LINGO2: variants seen among roughly 807,000 people sequenced by gnomAD.
LINGO2 encodes leucine rich repeat and Ig domain containing 2.
A neutral mutation model predicts 30.6 loss-of-function variants in LINGO2; 14 were observed. The observed-to-expected ratio is 0.46, with a 90% CI of 0.30 to 0.72. The LOEUF is 0.72. Among genes scored for constraint, LINGO2 ranks in the 30% least tolerant of loss-of-function variants. The pLI is 0.07. For synonymous variants in LINGO2, 317 were observed against 288.5 expected (o/e 1.10, Z -1.00); for missense variants, 729 against 751.7 (o/e 0.97, Z 0.35).
chr9:28,226,893 A>G (rs1367342032), intron 4 of LINGO2, among the ~76,000 whole-genome samples: 1 of 152,110 alleles, frequency 6.6e-6, no homozygotes, highest in Non-Finnish European at 1.5e-5. Context: ...AATTGACCTT[A>G]GTAAGTACTA....
chr9:28,787,113 T>C, the LINGO2 span, among the ~76,000 whole-genome samples: 1 of 152,132 alleles, frequency 6.6e-6, no homozygotes, highest in African/African-American at 2.4e-5. Flanking sequence ...ATAGTTGTAA[T>C]AATGAAGCAC....
At chr9:28,749,166 T>C in the LINGO2 span, among the ~76,000 whole-genome samples, 2 of 152,148 alleles carry the variant, frequency 1.3e-5, no homozygotes, top group East Asian at 3.9e-4. Context: ...GTGACACTCC[T>C]GTTGTCATGT....
At chr9:28,581,370 A>ATGAC (rs1258621583) in intron 1 of LINGO2, among the ~76,000 whole-genome samples, 1 of 151,894 alleles carries the variant, frequency 6.6e-6, no homozygotes, top group African/African-American at 2.4e-5. Context: ...CAGTTACACA[A>ATGAC]TGACTGACTG....
chr9:28,751,558 T>TA, the LINGO2 span, among the ~76,000 whole-genome samples: 2 of 152,068 alleles, frequency 1.3e-5, no homozygotes, highest in African/African-American at 2.4e-5. Flanking sequence ...GCATATTATT[T>TA]AGTTTTCAGT....
In LINGO2 at chr9:28,523,711, T is replaced by G. The variant is rs201145907; in HGVS notation, c.-364-47686A>C. 7.2e-5 allele frequency among the ~76,000 whole-genome samples: 11 copies of G among 152,088 alleles called. No individual in the cohort carries two copies. In the East Asian group the frequency reaches 2.1e-3, roughly 29 times the overall value. ...GATTTAAAAATAAACAGATATAAAATTGACAAAATAAGTACAAGACCTGTA... is the reference window on the plus strand; with the variant it reads ...GATTTAAAAATAAACAGATATAAAAGTGACAAAATAAGTACAAGACCTGTA... On this transcript the variant is annotated intron_variant, in intron 1 of 5. Transcript: ENST00000379992.
At chr9:27,999,436 C>CGAG (rs1821833375) in intron 5 of LINGO2, among the ~76,000 whole-genome samples, 2 of 143,684 alleles carry the variant, frequency 1.4e-5, no homozygotes, top group African/African-American at 5.2e-5. Flanking sequence ...GCCTAATCTT[C>CGAG]AGAGAGAGAG....
the LINGO2 span, among the ~76,000 whole-genome samples, chr9:28,689,817 A>G: frequency 6.6e-5 from 10 of 152,316 alleles, no homozygotes; most frequent in African/African-American, 2.2e-4. Context: ...CATAAAGTCA[A>G]CCTAAATGAC....
intron 1 of LINGO2, among the ~76,000 whole-genome samples, chr9:28,495,671 T>G (rs1385847525): frequency 6.6e-6 from 1 of 152,222 alleles, no homozygotes; most frequent in African/African-American, 2.4e-5. Flanking sequence ...ATTTCTGCTC[T>G]GATCTTAGTT....
chr9:28,463,267 T>G (rs1259589655), intron 2 of LINGO2, among the ~76,000 whole-genome samples: 2 of 152,042 alleles, frequency 1.3e-5, no homozygotes, highest in Non-Finnish European at 2.9e-5. Flanking sequence ...TACTTTCAAT[T>G]TAGTGTGAAG....
intron 3 of LINGO2, among the ~76,000 whole-genome samples, chr9:28,305,901 C>T (rs28510803): frequency 0.044 from 6,654 of 151,988 alleles, 219 homozygotes; most frequent in African/African-American, 0.15. Flanking sequence ...ATACACTTGA[C>T]TCTGAGGCAT....
At chr9:28,108,231 G>T (rs1237392900) in intron 4 of LINGO2, among the ~76,000 whole-genome samples, 2 of 152,084 alleles carry the variant, frequency 1.3e-5, no homozygotes, top group African/African-American at 2.4e-5. Flanking sequence ...AGACTATGAG[G>T]TCCCTTTAAA....
At chr9:28,191,910 T>C (rs1022243491) in intron 4 of LINGO2, among the ~76,000 whole-genome samples, 1 of 152,186 alleles carries the variant, frequency 6.6e-6, no homozygotes, top group African/African-American at 2.4e-5. Flanking sequence ...AGTGCATGTC[T>C]TTTTCTATTT....
chr9:29,146,860 C>T, the LINGO2 span, among the ~76,000 whole-genome samples: 1 of 152,090 alleles, frequency 6.6e-6, no homozygotes, highest in East Asian at 1.9e-4. Context: ...TGGAGAAATA[C>T]ACAAAACAAC....
At chr9:29,161,807 T>C in the LINGO2 span, among the ~76,000 whole-genome samples, 3 of 152,206 alleles carry the variant, frequency 2.0e-5, no homozygotes, top group Admixed American at 6.5e-5. Flanking sequence ...ATAAAAACTA[T>C]AAGGGTTTTA....
At chr9:28,971,650 T>C in the LINGO2 span, among the ~76,000 whole-genome samples, 3 of 152,218 alleles carry the variant, frequency 2.0e-5, no homozygotes, top group East Asian at 3.9e-4. Flanking sequence ...CAGGTAGACT[T>C]CTAAAGTTTT....
the LINGO2 span, among the ~76,000 whole-genome samples, chr9:28,767,743 G>T: frequency 7.6e-6 from 1 of 132,132 alleles, no homozygotes; most frequent in African/African-American, 2.8e-5. Context: ...CCGAGATCGC[G>T]CCACTGCACT....
chr9:28,523,666 A>G (rs1233137412), intron 1 of LINGO2, among the ~76,000 whole-genome samples: 1 of 152,210 alleles, frequency 6.6e-6, no homozygotes, highest in African/African-American at 2.4e-5. Context: ...TAAAATTAAG[A>G]AAATAATTTC....
chr9:28,948,739 CA>C, the LINGO2 span, among the ~76,000 whole-genome samples: 1 of 152,106 alleles, frequency 6.6e-6, no homozygotes, highest in Non-Finnish European at 1.5e-5. Flanking sequence ...GTATTGAAAA[CA>C]CTGAAACCTG....
intron 1 of LINGO2, among the ~76,000 whole-genome samples, chr9:28,481,337 CT>C (rs1159466605): frequency 6.6e-6 from 1 of 151,992 alleles, no homozygotes; most frequent in Non-Finnish European, 1.5e-5. Flanking sequence ...TTTAGTTAAC[CT>C]AATAAATAGT....
Sources: allele counts gnomAD v4.1 joint callset (sites outside exome capture counted in the v4.1 genomes callset), GRCh38; gene constraint gnomAD v4.1.1; transcripts MANE v1.5; gene names NCBI Gene and HGNC (gene_info 2026-07-23, HGNC 2026-07-21).